Variants in MYO18B observed in about 807,000 individuals in gnomAD.
The protein encoded by MYO18B is unconventional myosin-XVIIIb.
Under a neutral mutation model 273.0 loss-of-function variants are expected in MYO18B, and 204 were observed. The observed-to-expected ratio is 0.75, with a 90% CI of 0.67 to 0.84. MYO18B has a LOEUF of 0.84. MYO18B is among the 40% of genes least tolerant of loss of function. The pLI is 0.00. For synonymous variants in MYO18B, 1,330 were observed against 1,305.7 expected, an observed-to-expected ratio of 1.02 and a Z score of -0.40; for missense variants, 3,212 against 3,287.6, an observed-to-expected ratio of 0.98 and a Z score of 0.56.
chr22:25,989,980 T>C (rs924148812), intron 39 of MYO18B, among the ~76,000 whole-genome samples: 6 of 152,144 alleles, frequency 3.9e-5, no homozygotes, highest in Non-Finnish European at 8.8e-5. Context: ...TTGTCAAGGC[T>C]GAGATGGGGA....
At chr22:25,874,472 G>T in intron 23 of MYO18B, 58 bp downstream of exon 23, 2 of 1,559,728 alleles carry the variant, frequency 1.3e-6, no homozygotes, top group Non-Finnish European at 1.7e-6. Context: ...CGGGCATAGG[G>T]TCTGCCTGTC....
At chr22:25,825,030 A>G (rs1569073775) in intron 13 of MYO18B, among the ~76,000 whole-genome samples, 1 of 152,274 alleles carries the variant, frequency 6.6e-6, no homozygotes, top group South Asian at 2.1e-4. Flanking sequence ...TATATATAAC[A>G]CATGCACATA....
chr22:25,926,318 G>T (rs914710980), intron 34 of MYO18B, among the ~76,000 whole-genome samples: 1 of 151,642 alleles, frequency 6.6e-6, no homozygotes, highest in African/African-American at 2.4e-5. Flanking sequence ...CAGTGTCACT[G>T]TGTCATCCAG....
At chr22:25,789,363 C>T (rs972286505) in intron 11 of MYO18B, among the ~76,000 whole-genome samples, 11 of 152,096 alleles carry the variant, frequency 7.2e-5, no homozygotes, top group Non-Finnish European at 1.6e-4. Flanking sequence ...TGGCTGGGCT[C>T]AGTGGCTCAC....
chr22:26,028,859 G>C (rs924160561), intron 43 of MYO18B, among the ~76,000 whole-genome samples: 7 of 143,418 alleles, frequency 4.9e-5, no homozygotes, highest in Non-Finnish European at 4.5e-5. Flanking sequence ...CTGCACTCCA[G>C]CCTGGGCGAC....
At chr22:25,890,236 C>T (rs2091620266) in intron 25 of MYO18B, among the ~76,000 whole-genome samples, 1 of 152,196 alleles carries the variant, frequency 6.6e-6, no homozygotes, top group South Asian at 2.1e-4. Flanking sequence ...GCATGCCTGT[C>T]ACCTGCTAGA....
intron 39 of MYO18B, among the ~76,000 whole-genome samples, chr22:25,959,700 G>A (rs762603691): frequency 3.3e-5 from 5 of 152,160 alleles, no homozygotes; most frequent in African/African-American, 1.2e-4. Flanking sequence ...TGTTCAAGCC[G>A]TTTGCAGAAG....
chr22:25,796,834 G>A (rs1163621716), intron 11 of MYO18B, among the ~76,000 whole-genome samples: 1 of 152,180 alleles, frequency 6.6e-6, no homozygotes, highest in African/African-American at 2.4e-5. Flanking sequence ...GGAGTTTAAA[G>A]CCCACGCCCT....
intron 39 of MYO18B, among the ~76,000 whole-genome samples, chr22:25,963,182 A>T (rs142720674): frequency 0.24 from 12,781 of 52,546 alleles, 862 homozygotes; most frequent in Admixed American, 0.39. Context: ...TCTCTCTCAC[A>T]CACACACACA....
intron 34 of MYO18B, among the ~76,000 whole-genome samples, chr22:25,940,937 G>A (rs990481880): frequency 6.6e-6 from 1 of 152,176 alleles, no homozygotes; most frequent in Non-Finnish European, 1.5e-5. Flanking sequence ...GAAGCCCTCC[G>A]TAGATGCCTG....
At chr22:25,817,316 CCTT>C (rs890015526) in intron 12 of MYO18B, among the ~76,000 whole-genome samples, 26 of 151,196 alleles carry the variant, frequency 1.7e-4, no homozygotes, top group African/African-American at 3.6e-4. Flanking sequence ...TTCTTTCCCT[CCTT>C]CTTTTCTTTT....
chr22:25,844,685 T>G (rs564242166), intron 18 of MYO18B, among the ~76,000 whole-genome samples: 6 of 152,172 alleles, frequency 3.9e-5, no homozygotes, highest in African/African-American at 1.4e-4. Flanking sequence ...AGGACCCAAC[T>G]TGAGTCTAAG....
At chr22:25,993,356 G>A (rs1276963720) in intron 40 of MYO18B, among the ~76,000 whole-genome samples, 1 of 152,078 alleles carries the variant, frequency 6.6e-6, no homozygotes, top group South Asian at 2.1e-4. Flanking sequence ...GCAAAGCCTG[G>A]GTAGCAGAGA....
intron 35 of MYO18B, among the ~76,000 whole-genome samples, chr22:25,947,414 C>T (rs2092724629): frequency 6.6e-6 from 1 of 151,084 alleles, no homozygotes; most frequent in Non-Finnish European, 1.5e-5. Context: ...CACATAGATT[C>T]CCAAGTGGGA....
chr22:25,746,507 C>A (rs1052295328), intron 1 of MYO18B, among the ~76,000 whole-genome samples: 2 of 152,150 alleles, frequency 1.3e-5, no homozygotes, highest in Non-Finnish European at 2.9e-5. Context: ...GCATCCCTGT[C>A]CTTGACCCAG....
chr22:25,898,281 G>T (rs753325785), intron 28 of MYO18B, 26 bp from the exon 29 acceptor site: 1 of 1,605,702 alleles, frequency 6.2e-7, no homozygotes, highest in Non-Finnish European at 8.5e-7. Context: ...CACAGAGCCG[G>T]GTAATTCATT....
At chr22:25,820,445 T>C (rs1211597930) in intron 12 of MYO18B, among the ~76,000 whole-genome samples, 3 of 152,214 alleles carry the variant, frequency 2.0e-5, no homozygotes, top group Non-Finnish European at 4.4e-5. Flanking sequence ...CTCTTTCTGA[T>C]TGATTGAAAA....
intron 40 of MYO18B, among the ~76,000 whole-genome samples, chr22:26,000,137 G>A (rs572748495): frequency 6.6e-6 from 1 of 152,376 alleles, no homozygotes; most frequent in Non-Finnish European, 1.5e-5. Context: ...TGTTGGGACA[G>A]GGGGTACAGT....
intron 21 of MYO18B, among the ~76,000 whole-genome samples, chr22:25,861,148 T>C (rs1432973816): frequency 1.3e-5 from 2 of 152,162 alleles, no homozygotes; most frequent in Non-Finnish European, 2.9e-5. Context: ...TGTCCCAAAG[T>C]CCTGGGATAA....
Sources: gnomAD v4.1 joint callset for allele counts (sites outside exome capture counted in the v4.1 genomes callset) on GRCh38, gnomAD v4.1.1 for gene constraint, MANE v1.5 for transcripts, NCBI Gene and HGNC (gene_info 2026-07-23, HGNC 2026-07-21) for gene names.